MXRA7: variants seen among roughly 807,000 people sequenced by gnomAD.
The protein encoded by MXRA7 is matrix-remodeling-associated protein 7.
Under a neutral mutation model 17.4 loss-of-function variants are expected in MXRA7, and 18 were observed. The observed-to-expected ratio is 1.03, with a 90% CI of 0.71 to 1.53. The LOEUF is 1.53. MXRA7 is among the 40% of genes most tolerant of loss of function. The pLI is 0.00. For missense variants in MXRA7, 141 were observed against 209.3 expected, an observed-to-expected ratio of 0.67 and a Z score of 2.01; for synonymous variants, 70 against 101.7, an observed-to-expected ratio of 0.69 and a Z score of 1.87.
chr17:76,693,275 C>A (rs1214408398), intron 1 of MXRA7, among the ~76,000 whole-genome samples: 1 of 151,608 alleles, frequency 6.6e-6, no homozygotes, highest in Non-Finnish European at 1.5e-5. Context: ...CGAGACCAGT[C>A]TGGCCAACAT....
At chr17:76,697,007 C>T (rs561079877) in intron 1 of MXRA7, among the ~76,000 whole-genome samples, 2 of 152,338 alleles carry the variant, frequency 1.3e-5, no homozygotes, top group Admixed American at 6.5e-5. Flanking sequence ...TGTCCATGCC[C>T]TTGGTCCCAG....
chr17:76,684,527 G>A, intron 3 of MXRA7: 6 of 296,024 alleles, frequency 2.0e-5, no homozygotes, highest in South Asian at 1.6e-4. Context: ...GGTGCCCAGT[G>A]GCTGTGCAGG....
At chr17:76,701,263 G>C (rs147275169) in intron 1 of MXRA7, among the ~76,000 whole-genome samples, 1 of 152,046 alleles carries the variant, frequency 6.6e-6, no homozygotes, top group African/African-American at 2.4e-5. Context: ...TCTGGAGAGA[G>C]GTGACCAGAA....
In MXRA7 at chr17:76,683,969, G is replaced by C. The variant is rs776420702; in HGVS notation, c.500+1103C>G. 4.7e-6 allele frequency: 7 copies of C among 1,493,670 alleles called. No homozygotes were observed. The South Asian group carries it at 5.6e-5, about 12-fold the overall frequency. 92.5% of individuals were successfully genotyped at this position (1,493,670 alleles called of 1,614,324 possible). ...GCAAACCTGGTCATGCCAAGCGGCA[G>C]CATCCTCAGCACCTGAGGACTCGGG... On this transcript the variant is annotated intron_variant, in intron 3 of 3. Coordinates refer to ENST00000449428, the MANE Select transcript of MXRA7 (RefSeq NM_198530.4).
chr17:76,700,516 C>G (rs1292726725), intron 1 of MXRA7, among the ~76,000 whole-genome samples: 1 of 152,164 alleles, frequency 6.6e-6, no homozygotes, highest in African/African-American at 2.4e-5. Context: ...TGGGCAGGGA[C>G]AGAAACAAGA....
intron 3 of MXRA7, 132 bp downstream of exon 3, chr17:76,684,940 T>A: frequency 1.3e-6 from 1 of 743,188 alleles, no homozygotes; most frequent in African/African-American, 1.7e-5. Context: ...GGGGCGGTGG[T>A]TGGGCAGAGC....
chr17:76,690,018 A>AAAAAAAGAAC (rs758486570), intron 1 of MXRA7: 1 of 121,972 alleles, frequency 8.2e-6, no homozygotes, highest in African/African-American at 3.7e-5. Flanking sequence ...TTAAAAAAAG[A>AAAAAAAGAAC]AAAAAAAAAA....
chr17:76,688,534 G>A (rs2076436507), intron 1 of MXRA7: 3 of 1,281,810 alleles, frequency 2.3e-6, no homozygotes, highest in South Asian at 6.1e-5. Flanking sequence ...GGGTGCAAGA[G>A]GAAAGCTGGC....
At chr17:76,677,674 A>G, downstream of MXRA7, 1 of 1,614,044 alleles carries the variant, frequency 6.2e-7, no homozygotes, top group Non-Finnish European at 8.5e-7. Flanking sequence ...ATGAGCTTGA[A>G]GATGGCAGCC....
intron 2 of MXRA7, among the ~76,000 whole-genome samples, chr17:76,685,427 G>C (rs771626055): frequency 1.2e-4 from 19 of 152,190 alleles, no homozygotes; most frequent in Non-Finnish European, 2.1e-4. Context: ...AACATCTGCA[G>C]TGCTCTGCCT....
chr17:76,704,435 G>A lies in MXRA7; in HGVS notation c.342+6170C>T, dbSNP rs1299035722. ...TTAGCCAGGATGGTCTCGATCTCCT[G>A]ACCTCGTGATCCGCCCGCCTCGGCC... On this transcript the variant is annotated intron_variant, in intron 1 of 3. Transcript: ENST00000449428. 7.3e-5 allele frequency among the ~76,000 whole-genome samples: 11 copies of A among 150,246 alleles called. No homozygotes were observed. In the East Asian group the frequency reaches 2.3e-3, roughly 31 times the overall value.
At chr17:76,696,774 C>T (rs945052504) in intron 1 of MXRA7, among the ~76,000 whole-genome samples, 6 of 152,148 alleles carry the variant, frequency 3.9e-5, no homozygotes, top group African/African-American at 1.2e-4. Flanking sequence ...CGTGAAGGTG[C>T]GGCCAGCCAA....
chr17:76,680,062 CTGATCTGA>C lies in MXRA7; in HGVS notation c.*797_*804del, dbSNP rs1279749684. 5.1e-6 allele frequency: 5 copies of C among 976,568 alleles called. No individual in the cohort carries two copies. Among genetic ancestry groups the C allele is most frequent in the Non-Finnish European group, 6.1e-6 (5 of 825,730 alleles). The allele number at this position is 976,568 out of a possible 1,614,324, so 60.5% of individuals were successfully genotyped here. On this transcript the variant is annotated 3_prime_UTR_variant, in exon 4 of 4. Transcript: ENST00000449428. The stretch of plus-strand genomic sequence containing the variant: ...AAAATTCCAAGAAACCCATTTGAGA[CTGATCTGA>C]TGATCTGAAGTTCTAACTAATCTAT...
chr17:76,695,161 AAAAACAAAAC>A (rs770458123), intron 1 of MXRA7, among the ~76,000 whole-genome samples: 25 of 152,310 alleles, frequency 1.6e-4, no homozygotes, highest in Middle Eastern at 3.4e-3. Context: ...ACTCCGTCTC[AAAAACAAAAC>A]AAAACAAAAT....
chr17:76,695,280 G>A (rs929473774), intron 1 of MXRA7, among the ~76,000 whole-genome samples: 2 of 152,182 alleles, frequency 1.3e-5, no homozygotes, highest in South Asian at 4.1e-4. Context: ...GTAGTAAGAA[G>A]TGCCGGTTTC....
intron 2 of MXRA7, 54 bp downstream of exon 2, chr17:76,688,059 C>T: frequency 1.9e-6 from 3 of 1,586,392 alleles, no homozygotes; most frequent in Non-Finnish European, 2.6e-6. Context: ...CAGCAGGACA[C>T]AGACCACCCC....
intron 1 of MXRA7, among the ~76,000 whole-genome samples, chr17:76,703,457 A>C (rs1276623316): frequency 3.9e-5 from 6 of 151,954 alleles, no homozygotes; most frequent in African/African-American, 1.5e-4. Flanking sequence ...CCATCTCTAC[A>C]AAAAATACAA....
chr17:76,700,028 C>T (rs1459710279), intron 1 of MXRA7, among the ~76,000 whole-genome samples: 1 of 152,104 alleles, frequency 6.6e-6, no homozygotes, highest in African/African-American at 2.4e-5. Flanking sequence ...GGCACAATCT[C>T]GGCTCACTGC....
In MXRA7 at chr17:76,681,440, G is replaced by T. The variant is rs1205369999; in HGVS notation, c.501-561C>A. On this transcript the variant is annotated intron_variant, in intron 3 of 3. Coordinates refer to ENST00000449428, the MANE Select transcript of MXRA7 (RefSeq NM_198530.4). The surrounding 1 kb of genome is among the most constrained non-coding windows in gnomAD (Gnocchi z 4.7). ...CTCTCCTGGTGGTCACAGTCAGCAC[G>T]CATTTCCAGCCTGAGCTGGAAATTC... 2.0e-5 allele frequency among the ~76,000 whole-genome samples: 3 copies of T among 151,946 alleles called. No individual in the cohort carries two copies. The highest frequency in any genetic ancestry group is 7.3e-5 in the African/African-American group (3 of 41,372).
Sources: allele counts gnomAD v4.1 joint callset (sites outside exome capture counted in the v4.1 genomes callset), GRCh38; gene constraint gnomAD v4.1.1; non-coding constraint Gnocchi (gnomAD v3.1); transcripts MANE v1.5; gene names NCBI Gene and HGNC (gene_info 2026-07-23, HGNC 2026-07-21).